Variants in ATXN1 observed in about 807,000 individuals in gnomAD.
The protein encoded by ATXN1 is ataxin-1.
Under a neutral mutation model 56.4 loss-of-function variants are expected in ATXN1, and 8 were observed. That is an observed-to-expected ratio of 0.14 (90% CI 0.08 to 0.26). The LOEUF is 0.26. ATXN1 is among the 10% of genes least tolerant of loss of function. The probability of loss-of-function intolerance (pLI) is 1.00; values close to 1 mark genes in which losing one functional copy is unlikely to be tolerated. For synonymous variants in ATXN1, 514 were observed against 494.6 expected, an observed-to-expected ratio of 1.04 and a Z score of -0.52; for missense variants, 987 against 1,106.5, an observed-to-expected ratio of 0.89 and a Z score of 1.53.
intron 4 of ATXN1, among the ~76,000 whole-genome samples, chr6:16,581,576 G>A (rs930193688): frequency 6.6e-6 from 1 of 152,118 alleles, no homozygotes; most frequent in African/African-American, 2.4e-5. Context: ...CACAAACAAT[G>A]CTGAGTGGAA....
At chr6:16,749,422 T>C (rs933016586) in intron 2 of ATXN1, among the ~76,000 whole-genome samples, 45 of 152,222 alleles carry the variant, frequency 3.0e-4, no homozygotes, top group Non-Finnish European at 5.4e-4. Context: ...CCGCATACGC[T>C]GAATTTCAAA....
At chr6:16,361,379 A>C (rs915126188) in intron 6 of ATXN1, among the ~76,000 whole-genome samples, 1 of 152,210 alleles carries the variant, frequency 6.6e-6, no homozygotes, top group Non-Finnish European at 1.5e-5. Flanking sequence ...CACATGGCTA[A>C]TTATTTCTAC....
chr6:16,611,698 G>A (rs905975307), intron 3 of ATXN1, among the ~76,000 whole-genome samples: 1 of 151,892 alleles, frequency 6.6e-6, no homozygotes, highest in Non-Finnish European at 1.5e-5. Flanking sequence ...ACTGACAAGA[G>A]ATACATTCCA....
intron 6 of ATXN1, among the ~76,000 whole-genome samples, chr6:16,439,380 G>A: frequency 2.7e-5 from 1 of 36,848 alleles, no homozygotes; most frequent in Non-Finnish European, 5.9e-5. Flanking sequence ...GGGCGGGGCG[G>A]GAATAAGGGT....
At chr6:16,419,783 G>T (rs939411217) in intron 6 of ATXN1, among the ~76,000 whole-genome samples, 4 of 152,148 alleles carry the variant, frequency 2.6e-5, no homozygotes. Context: ...AGGCTGGAGG[G>T]GACAGAGCTG....
At chr6:16,699,339 T>C (rs1441644686) in intron 2 of ATXN1, among the ~76,000 whole-genome samples, 1 of 152,208 alleles carries the variant, frequency 6.6e-6, no homozygotes, top group Non-Finnish European at 1.5e-5. Flanking sequence ...AGTAACTATG[T>C]CCCTGTCATT....
intron 6 of ATXN1, among the ~76,000 whole-genome samples, chr6:16,400,838 T>A (rs1328528797): frequency 6.6e-6 from 1 of 152,162 alleles, no homozygotes; most frequent in Non-Finnish European, 1.5e-5. Flanking sequence ...CATGGTCTAC[T>A]TTTTGGCCAT....
chr6:16,353,620 G>A (rs1319960725), intron 6 of ATXN1, among the ~76,000 whole-genome samples: 1 of 152,180 alleles, frequency 6.6e-6, no homozygotes, highest in Non-Finnish European at 1.5e-5. Flanking sequence ...GTTGCAATGA[G>A]CTGAGATTGC....
intron 2 of ATXN1, among the ~76,000 whole-genome samples, chr6:16,715,031 C>G (rs578217847): frequency 6.6e-6 from 1 of 152,232 alleles, no homozygotes; most frequent in South Asian, 2.1e-4. Flanking sequence ...ACTCCCTCTC[C>G]CCTCTCCTTC....
intron 4 of ATXN1, among the ~76,000 whole-genome samples, chr6:16,526,003 A>G (rs1761385146): frequency 6.7e-6 from 1 of 149,136 alleles, no homozygotes; most frequent in Non-Finnish European, 1.5e-5. Flanking sequence ...ATGCCCAAGT[A>G]TACAGAGTAT....
intron 6 of ATXN1, among the ~76,000 whole-genome samples, chr6:16,356,850 T>G (rs568087570): frequency 2.6e-5 from 4 of 152,156 alleles, no homozygotes; most frequent in African/African-American, 4.8e-5. Flanking sequence ...GGAAGATGAA[T>G]CTTGAGCAAA....
At chr6:16,490,881 G>A (rs1187695492) in intron 5 of ATXN1, among the ~76,000 whole-genome samples, 2 of 152,098 alleles carry the variant, frequency 1.3e-5, no homozygotes, top group Non-Finnish European at 2.9e-5. Flanking sequence ...AGACTACCTG[G>A]AACTAAGAGG....
chr6:16,534,770 A>G (rs939033051), intron 4 of ATXN1, among the ~76,000 whole-genome samples: 4 of 152,142 alleles, frequency 2.6e-5, no homozygotes, highest in Non-Finnish European at 5.9e-5. Context: ...TTAAGAGACT[A>G]TCTGTTCCCA....
intron 4 of ATXN1, among the ~76,000 whole-genome samples, chr6:16,527,333 G>A (rs994924950): frequency 3.3e-5 from 5 of 152,204 alleles, no homozygotes; most frequent in East Asian, 1.9e-4. Flanking sequence ...ATGGAGACAC[G>A]AATGCAGTTA....
At chr6:16,528,874 A>G (rs1325032001) in intron 4 of ATXN1, among the ~76,000 whole-genome samples, 2 of 152,170 alleles carry the variant, frequency 1.3e-5, no homozygotes, top group Non-Finnish European at 2.9e-5. Context: ...AAGCATTCTG[A>G]CAAACAAAAA....
At chr6:16,569,316 C>T (rs918301049) in intron 4 of ATXN1, among the ~76,000 whole-genome samples, 1 of 151,928 alleles carries the variant, frequency 6.6e-6, no homozygotes, top group African/African-American at 2.4e-5. Context: ...GTCAGGAGTT[C>T]GAGACCAGCC....
chr6:16,749,094 C>T (rs531394686), intron 2 of ATXN1, among the ~76,000 whole-genome samples: 3 of 152,250 alleles, frequency 2.0e-5, no homozygotes, highest in South Asian at 4.1e-4. Flanking sequence ...ACAGTATACA[C>T]GCACGCACAA....
chr6:16,614,723 G>C (rs1011800756), intron 3 of ATXN1, among the ~76,000 whole-genome samples: 1 of 151,584 alleles, frequency 6.6e-6, no homozygotes, highest in African/African-American at 2.4e-5. Context: ...AGGAGTTTGA[G>C]ACCAGCCTGG....
At chr6:16,695,054 A>G (rs995982342) in intron 2 of ATXN1, among the ~76,000 whole-genome samples, 2 of 152,108 alleles carry the variant, frequency 1.3e-5, no homozygotes, top group Non-Finnish European at 2.9e-5. Context: ...ACCATTCTTC[A>G]CAACCACCTA....
Sources: allele counts gnomAD v4.1 joint callset (sites outside exome capture counted in the v4.1 genomes callset), GRCh38; gene constraint gnomAD v4.1.1; transcripts MANE v1.5; gene names NCBI Gene and HGNC (gene_info 2026-07-23, HGNC 2026-07-21).